DGKA: variants seen among roughly 807,000 people sequenced by gnomAD.
DGKA encodes the protein 80 kDa diacylglycerol kinase.
DGKA carries 35 observed loss-of-function variants against 105.0 expected under a neutral mutation model. That is an observed-to-expected ratio of 0.33 (90% CI 0.25 to 0.44). The LOEUF (loss-of-function observed/expected upper bound fraction) is 0.44. DGKA is among the 20% of genes least tolerant of loss of function. DGKA has a pLI of 1.00. For missense variants in DGKA, 665 were observed against 915.0 expected (o/e 0.73, Z 3.53); for synonymous variants, 296 against 332.0 (o/e 0.89, Z 1.18).
intron 17 of DGKA, among the ~76,000 whole-genome samples, chr12:55,945,545 G>C (rs1290689861): frequency 6.6e-6 from 1 of 152,176 alleles, no homozygotes; most frequent in African/African-American, 2.4e-5. Context: ...TGTTGGCAGG[G>C]CTGAGTTCTT....
rs534284055 is a variant in DGKA at position 55,953,760 on chromosome 12, T to C, written c.2200T>C (p.Leu734=). The C allele has an allele frequency of 4.3e-6, 7 of 1,614,162 alleles. No individual in the cohort carries two copies. In the African/African-American group the frequency reaches 9.3e-5, roughly 22 times the overall value. The change falls in exon 24 of 24, where the codon TTG becomes CTG. Residue 734 remains leucine, a synonymous_variant. Coordinates refer to ENST00000331886, the MANE Select transcript of DGKA (RefSeq NM_001345.5). ...PPRSTNFFGF[L]S Reference sequence around the variant, plus strand: ...CCGCTCCACCAATTTCTTTGGCTTCTTGAGCTAAGGGGGACACCCTTGGCC... The same window carrying C: ...CCGCTCCACCAATTTCTTTGGCTTCCTGAGCTAAGGGGGACACCCTTGGCC...
intron 17 of DGKA, among the ~76,000 whole-genome samples, chr12:55,949,774 C>T (rs1887768101): frequency 6.6e-6 from 1 of 152,108 alleles, no homozygotes; most frequent in Admixed American, 6.6e-5. Context: ...TTTCTTCTAT[C>T]ATAGGCTTGT....
intron 2 of DGKA, 47 bp downstream of exon 2, chr12:55,936,614 G>A (rs1884758814): frequency 1.2e-6 from 2 of 1,613,300 alleles, no homozygotes; most frequent in Non-Finnish European, 1.7e-6. Context: ...CTGCCCCAGA[G>A]AATCCCTCCT....
chr12:55,946,536 T>A (rs1413992894), intron 17 of DGKA, among the ~76,000 whole-genome samples: 1 of 152,192 alleles, frequency 6.6e-6, no homozygotes. Flanking sequence ...TTTGTATTTT[T>A]AGTAGAGACA....
intron 15 of DGKA, 105 bp downstream of exon 15, chr12:55,941,689 A>G: frequency 8.4e-7 from 1 of 1,194,336 alleles, no homozygotes; most frequent in South Asian, 1.3e-5. Context: ...GGAGGGCTAG[A>G]GATCCCCAAG....
At chr12:55,941,409 C>G in intron 14 of DGKA, 84 bp downstream of exon 14, 3 of 1,581,406 alleles carry the variant, frequency 1.9e-6, no homozygotes, top group Non-Finnish European at 2.6e-6. Context: ...ATGTGTGTGT[C>G]TGGAGGGGCA....
intron 23 of DGKA, 125 bp downstream of exon 23, chr12:55,953,535 C>A: frequency 1.5e-6 from 2 of 1,348,330 alleles, no homozygotes; most frequent in Non-Finnish European, 2.1e-6. Flanking sequence ...TCATCCTAAA[C>A]CCTGATTTCT....
In DGKA at chr12:55,931,253, T is replaced by G. The variant is rs1381339021; in HGVS notation, c.-173T>G. 6.6e-6 allele frequency: 1 copy of G among 151,930 alleles called. No homozygotes were observed. Among genetic ancestry groups the G allele is most frequent in the Non-Finnish European group, 1.5e-5 (1 of 68,012 alleles). 9.4% of individuals were successfully genotyped at this position (151,930 alleles called of 1,614,324 possible). On this transcript the variant is annotated 5_prime_UTR_variant, in exon 1 of 24. Coordinates refer to ENST00000331886, the MANE Select transcript of DGKA (RefSeq NM_001345.5). ...ATGCGACCCCAAGAGCCTTAATGAC[T>G]CTAGAAGAGACTCCAGGCAGGGGAA...
In DGKA at chr12:55,937,555, C is replaced by A; in HGVS notation, c.274+12C>A. On this transcript the variant is annotated intron_variant, in intron 4 of 23. Transcript: ENST00000331886. ...AAATGTGACAAAAGGTATGGTCAAGCAGGTAGGACTGGGCTAAGCCTCTGG... is the reference window on the plus strand; with the variant it reads ...AAATGTGACAAAAGGTATGGTCAAGAAGGTAGGACTGGGCTAAGCCTCTGG... The A allele has an allele frequency of 6.2e-7, 1 of 1,613,398 alleles. No individual in the cohort carries two copies. Among genetic ancestry groups the A allele is most frequent in the Non-Finnish European group, 8.5e-7 (1 of 1,179,564 alleles).
intron 9 of DGKA, 119 bp downstream of exon 9, chr12:55,939,648 T>A: frequency 1.1e-6 from 1 of 911,534 alleles, no homozygotes; most frequent in Non-Finnish European, 1.7e-6. Context: ...ACTGACTAGT[T>A]ATGTGACCTT....
intron 23 of DGKA, 92 bp downstream of exon 23, chr12:55,953,502 C>A: frequency 7.2e-7 from 1 of 1,396,662 alleles, no homozygotes; most frequent in Non-Finnish European, 1.0e-6. Context: ...CCTTCTGATG[C>A]CTGAACTTCC....
At position 55,940,595 on chromosome 12, in the gene DGKA, G is replaced by A. The variant is rs1885717643; in HGVS notation, c.919-29G>A. On this transcript the variant is annotated intron_variant, in intron 11 of 23. Transcript: ENST00000331886. This position sits in a 1 kb window ranked among gnomAD's most constrained non-coding sequence, Gnocchi z 4.3. ...TGAGAGGAGACAGGGTTACCTTCGTGATCTCTCTGTGCCCACCTCGTCTTT... is the reference window on the plus strand; with the variant it reads ...TGAGAGGAGACAGGGTTACCTTCGTAATCTCTCTGTGCCCACCTCGTCTTT... 1 of 1,560,418 alleles carries A rather than the reference G, an allele frequency of 6.4e-7. No homozygotes were observed. The highest frequency in any genetic ancestry group is 1.2e-5 in the South Asian group (1 of 81,886).
rs1001931320 is a variant in DGKA at position 55,951,518 on chromosome 12, G to A, written c.1427-105G>A. ...TCACTGGCTAGGGCTGGGAGGCTCT[G>A]TAGAAACAGGGCAGAAGGCCCCTGG... is the stretch of plus-strand genomic sequence containing the variant. On this transcript the variant is annotated intron_variant, in intron 17 of 23. Coordinates refer to ENST00000331886, the MANE Select transcript of DGKA (RefSeq NM_001345.5). The A allele has an allele frequency of 2.0e-5, 25 of 1,277,550 alleles. 1 individual carries two copies. In the African/African-American group the frequency reaches 2.7e-4, roughly 14 times the overall value. The allele number at this position is 1,277,550 out of a possible 1,614,324, so 79.1% of individuals were successfully genotyped here.
intron 17 of DGKA, among the ~76,000 whole-genome samples, chr12:55,947,781 T>TTTTTA (rs1303444952): frequency 6.6e-5 from 10 of 152,052 alleles, no homozygotes; most frequent in Non-Finnish European, 1.5e-4. Flanking sequence ...AATATGAACA[T>TTTTTA]TTTTATTTTA....
chr12:55,953,744 C>A lies in DGKA; in HGVS notation c.2184C>A (p.Thr728=). Residue 728 remains threonine (T), a synonymous_variant, in exon 24 of 24, where the codon ACC becomes ACA. Coordinates refer to ENST00000331886, the MANE Select transcript of DGKA (RefSeq NM_001345.5). ...TCATGGGCCCACCCCCCCGCTCCACCAATTTCTTTGGCTTCTTGAGCTAAG... is the reference window on the plus strand; with the variant it reads ...TCATGGGCCCACCCCCCCGCTCCACAAATTTCTTTGGCTTCTTGAGCTAAG... The part of the protein sequence containing the change: ...PMLMGPPPRS[T]NFFGFLS 6.2e-7 allele frequency: 1 copy of A among 1,614,174 alleles called. No homozygotes were observed. Among genetic ancestry groups the A allele is most frequent in the Non-Finnish European group, 8.5e-7 (1 of 1,180,038 alleles).
chr12:55,942,121 C>G (rs1470345552), intron 16 of DGKA, 38 bp downstream of exon 16: 7 of 1,613,612 alleles, frequency 4.3e-6, no homozygotes, highest in Non-Finnish European at 5.9e-6. Flanking sequence ...GTATTGGGGT[C>G]GTAGTCTTGC....
upstream of DGKA, chr12:55,928,037 C>A (rs1883231574): frequency 2.0e-6 from 1 of 504,990 alleles, no homozygotes; most frequent in Non-Finnish European, 3.5e-6. Context: ...TAGTGTCACT[C>A]CATTTGTAGT....
chr12:55,930,808 G>A (rs1883521908), upstream of DGKA, among the ~76,000 whole-genome samples: 1 of 152,106 alleles, frequency 6.6e-6, no homozygotes, highest in African/African-American at 2.4e-5. Context: ...TTACTCAGCA[G>A]CTATATTTCT....
At chr12:55,943,654 CT>C (rs1017764912) in intron 17 of DGKA, among the ~76,000 whole-genome samples, 42 of 147,600 alleles carry the variant, frequency 2.8e-4, no homozygotes, top group East Asian at 9.8e-4. Flanking sequence ...TTTCTTTTCT[CT>C]TTTTTTTTTA....
Sources: gnomAD v4.1 joint callset for allele counts (sites outside exome capture counted in the v4.1 genomes callset) on GRCh38, gnomAD v4.1.1 for gene constraint, Gnocchi (gnomAD v3.1) non-coding constraint, MANE v1.5 for transcripts, NCBI Gene and HGNC (gene_info 2026-07-23, HGNC 2026-07-21) for gene names.